TSPAN17: variants seen among roughly 807,000 people sequenced by gnomAD.
TSPAN17 encodes the protein tetraspanin 17.
Under a neutral mutation model 40.5 loss-of-function variants are expected in TSPAN17, and 33 were observed. The ratio of observed to expected loss-of-function variants is 0.81; its 90% confidence interval spans 0.62 to 1.09. The LOEUF is 1.09. Among genes scored for constraint, TSPAN17 ranks in the 50% least tolerant of loss-of-function variants. TSPAN17 has a pLI of 0.00. For synonymous variants in TSPAN17, 166 were observed against 169.4 expected, an observed-to-expected ratio of 0.98 and a Z score of 0.15; for missense variants, 365 against 416.8, an observed-to-expected ratio of 0.88 and a Z score of 1.08.
Position 176,647,653 on chromosome 5 carries a change from T to C in TSPAN17, c.38T>C (p.Val13Ala). The part of the protein sequence containing the change: ...GKHQHFQEPE[V>A]GCCGKYFLFG... ...CACCAGCATTTCCAGGAACCTGAGGTCGGCTGCTGCGGGAAATACTTCCTG... is the reference window on the plus strand; with the variant it reads ...CACCAGCATTTCCAGGAACCTGAGGCCGGCTGCTGCGGGAAATACTTCCTG... Residue 13 changes from valine to alanine, a missense_variant, in exon 1 of 9, where the codon GTC (valine) becomes GCC (alanine). Coordinates refer to ENST00000508164, the MANE Select transcript of TSPAN17 (RefSeq NM_130465.5). 1 of 1,601,096 alleles carries C rather than the reference T, an allele frequency of 6.2e-7. No homozygotes were observed. The highest frequency in any genetic ancestry group is 8.5e-7 in the Non-Finnish European group (1 of 1,174,462).
In TSPAN17 at chr5:176,650,781, G is replaced by A. The variant is rs560141705; in HGVS notation, c.88-835G>A. Among the ~76,000 whole-genome samples the A allele has an allele frequency of 1.3e-5, 2 of 152,178 alleles. No individual in the cohort carries two copies. The highest frequency in any genetic ancestry group is 2.9e-5 in the Non-Finnish European group (2 of 68,024). ...GGGAGGTCGCAGGAGGTGGGGTCAT[G>A]GCCCTGGGCTTGGGTACGACAGCCT... On this transcript the variant is annotated intron_variant, in intron 1 of 8. Transcript: ENST00000508164. This position sits in a 1 kb window ranked among gnomAD's most constrained non-coding sequence, Gnocchi z 4.0.
chr5:176,652,580 A>G (rs1281016347), intron 3 of TSPAN17, among the ~76,000 whole-genome samples, 163 bp from the exon 4 acceptor site: 1 of 152,102 alleles, frequency 6.6e-6, no homozygotes, highest in Non-Finnish European at 1.5e-5. Flanking sequence ...GATGCCTATT[A>G]CCATCATATA....
Position 176,650,528 on chromosome 5 carries a change from A to G in TSPAN17, c.88-1088A>G, listed in dbSNP as rs1349793607. Reference sequence around the variant, plus strand: ...TGGGGTTCAGGAAGGAGAAAGTGGCACTCAGTCCCCTGTCTGAAGGCCAAG... The same window carrying G: ...TGGGGTTCAGGAAGGAGAAAGTGGCGCTCAGTCCCCTGTCTGAAGGCCAAG... On this transcript the variant is annotated intron_variant, in intron 1 of 8. Transcript: ENST00000508164. This position sits in a 1 kb window ranked among gnomAD's most constrained non-coding sequence, Gnocchi z 4.0. Among the ~76,000 whole-genome samples, 1 of 152,032 alleles carries G rather than the reference A, an allele frequency of 6.6e-6. No homozygotes were observed. The highest frequency in any genetic ancestry group is 1.5e-5 in the Non-Finnish European group (1 of 67,998).
At chr5:176,652,257 G>C (rs543179916) in intron 3 of TSPAN17, among the ~76,000 whole-genome samples, 1 of 152,182 alleles carries the variant, frequency 6.6e-6, no homozygotes, top group African/African-American at 2.4e-5. Flanking sequence ...GAACAGAGCC[G>C]GCTTCCCCAT....
rs1451300489 is a variant in TSPAN17 at position 176,651,109 on chromosome 5, C to T, written c.88-507C>T. ...TGGTCGTGAGCCGTGGAAGCTGACT[C>T]TGGCAGGCGGAGGTTAAAGGGGTAG... On this transcript the variant is annotated intron_variant, in intron 1 of 8. Coordinates refer to ENST00000508164, the MANE Select transcript of TSPAN17 (RefSeq NM_130465.5). The surrounding 1 kb of genome is among the most constrained non-coding windows in gnomAD (Gnocchi z 4.5). Among the ~76,000 whole-genome samples the T allele has an allele frequency of 1.3e-5, 2 of 152,086 alleles. No homozygotes were observed. Among genetic ancestry groups the T allele is most frequent in the African/African-American group, 4.8e-5 (2 of 41,426 alleles).
Position 176,656,094 on chromosome 5 carries a change from C to G in TSPAN17, c.599C>G (p.Thr200Ser). 1 of 1,614,186 alleles carries G rather than the reference C, an allele frequency of 6.2e-7. No homozygotes were observed. Among genetic ancestry groups the G allele is most frequent in the Non-Finnish European group, 8.5e-7 (1 of 1,180,026 alleles). The change falls in exon 6 of 9, where the codon ACC becomes AGC. Residue 200 changes from threonine (T) to serine (S), a missense_variant. Thr to Ser is a moderately conservative substitution (Grantham distance 58). Coordinates refer to ENST00000508164, the MANE Select transcript of TSPAN17 (RefSeq NM_130465.5). ...TCCCCTCAGGAGGATGTCCTCAACA[C>G]CCAGTGTGGCTACGACGTCCGGCTC... ...VRDPAEDVLN[T>S]QCGYDVRLKL...
Position 176,652,834 on chromosome 5 carries a change from A to G in TSPAN17, c.377A>G (p.Asn126Ser). 3 of 1,614,178 alleles carry G rather than the reference A, an allele frequency of 1.9e-6. No individual in the cohort carries two copies. Among genetic ancestry groups the G allele is most frequent in the African/African-American group, 1.3e-5 (1 of 75,044 alleles). The change falls in exon 4 of 9, where the codon AAC becomes AGC. Residue 126 changes from asparagine (N) to serine (S), a missense_variant. Physicochemically the swap from Asn to Ser is conservative, Grantham distance 46. Transcript: ENST00000508164. Reference protein sequence around the residue: ...VFKDWIRDQLNLFINNNVKAY... With the variant: ...VFKDWIRDQLSLFINNNVKAY... ...AAGGACTGGATTCGAGACCAGCTCA[A>G]CCTCTTCATCAACAACAACGTCAAG... is the stretch of plus-strand genomic sequence containing the variant.
Position 176,651,785 on chromosome 5 carries a change from A to G in TSPAN17, c.170A>G (p.Asp57Gly), listed in dbSNP as rs779970651. 2.5e-6 allele frequency: 4 copies of G among 1,614,000 alleles called. No homozygotes were observed. The African/African-American group carries it at 5.3e-5, about 22-fold the overall frequency. Reference protein sequence around the residue: ...GVLSNISALTDLGGLDPVWLF... With the variant: ...GVLSNISALTGLGGLDPVWLF... ...CTCTCGAACATCTCAGCGCTGACAG[A>G]TCTGGGAGGCCTTGACCCCGTGTGG... Residue 57 changes from aspartate (D) to glycine (G), a missense_variant, in exon 3 of 9, where the codon GAT becomes GGT. Transcript: ENST00000508164. This position sits in a 1 kb window ranked among gnomAD's most constrained non-coding sequence, Gnocchi z 4.5.
intron 5 of TSPAN17, among the ~76,000 whole-genome samples, chr5:176,655,734 CAAA>C (rs11420495): frequency 7.9e-6 from 1 of 125,852 alleles, no homozygotes; most frequent in African/African-American, 3.1e-5. Context: ...CTCGTGTCTA[CAAA>C]AAAAAAAAAA....
chr5:176,656,610 C>A (rs1761163839), intron 6 of TSPAN17, 90 bp from the exon 7 acceptor site: 3 of 1,318,488 alleles, frequency 2.3e-6, no homozygotes, highest in Non-Finnish European at 3.3e-6. Flanking sequence ...CAGGTTTAGA[C>A]CCTGGGGTGG....
Position 176,651,384 on chromosome 5 carries a change from C to T in TSPAN17, c.88-232C>T, listed in dbSNP as rs1390157850. Among the ~76,000 whole-genome samples, 1 of 152,186 alleles carries T rather than the reference C, an allele frequency of 6.6e-6. No individual in the cohort carries two copies. The highest frequency in any genetic ancestry group is 1.9e-4 in the East Asian group (1 of 5,200). ...TCCAATTTGGAGTTCCAGGAAGGGG[C>T]CCCTGATGTCCATCCCAAGGCTAGC... On this transcript the variant is annotated intron_variant, in intron 1 of 8. Coordinates refer to ENST00000508164, the MANE Select transcript of TSPAN17 (RefSeq NM_130465.5). The surrounding 1 kb of genome is among the most constrained non-coding windows in gnomAD (Gnocchi z 4.5).
chr5:176,656,055 C>T (rs892137784), intron 5 of TSPAN17, 23 bp from the exon 6 acceptor site: 32 of 1,613,900 alleles, frequency 2.0e-5, no homozygotes, highest in Non-Finnish European at 2.5e-5. Flanking sequence ...CACCAAGTCA[C>T]TAACTGGCCT....
rs764563208 is a variant in TSPAN17, at chr5:176,651,863, T to C, written c.248T>C (p.Ile83Thr). ...VMSVLGFAGC[I>T]GALRENTFLL... Reference sequence around the variant, plus strand: ...TCGGTGCTGGGCTTTGCTGGCTGCATTGGGGCCCTCCGGGAGAACACCTTC... The same window carrying C: ...TCGGTGCTGGGCTTTGCTGGCTGCACTGGGGCCCTCCGGGAGAACACCTTC... The change falls in exon 3 of 9, where the codon ATT (isoleucine) becomes ACT (threonine). Residue 83 changes from isoleucine (I) to threonine (T), a missense_variant. Ile to Thr is a moderately conservative substitution (Grantham distance 89). Transcript: ENST00000508164. The surrounding 1 kb of genome is among the most constrained non-coding windows in gnomAD (Gnocchi z 4.5). The C allele has an allele frequency of 1.1e-5, 17 of 1,613,954 alleles. No homozygotes were observed. The highest frequency in any genetic ancestry group is 1.6e-4 in the Middle Eastern group (1 of 6,084).
Position 176,647,535 on chromosome 5 carries a change from C to G in TSPAN17, c.-81C>G, listed in dbSNP as rs1360965953. The G allele has an allele frequency of 8.7e-7, 1 of 1,154,488 alleles. No homozygotes were observed. The highest frequency in any genetic ancestry group is 1.1e-6 in the Non-Finnish European group (1 of 877,156). 71.5% of individuals were successfully genotyped at this position (1,154,488 alleles called of 1,614,324 possible). On this transcript the variant is annotated 5_prime_UTR_variant, in exon 1 of 9. Transcript: ENST00000508164. Reference sequence around the variant, plus strand: ...CGCAGCCGCCCGGCTAGGCCCCGGGCGGCTCTAGCCCAGGGCGGCCCGCGG... The same window carrying G: ...CGCAGCCGCCCGGCTAGGCCCCGGGGGGCTCTAGCCCAGGGCGGCCCGCGG...
chr5:176,651,572 TG>T lies in TSPAN17; in HGVS notation c.88-40del. Reference sequence around the variant, plus strand: ...GGGGAAGGATGAGGGGGGAGGGTCCTGGGGCTGCTCCCAGCCCTGAGCTCTT... The same window carrying T: ...GGGGAAGGATGAGGGGGGAGGGTCCTGGGCTGCTCCCAGCCCTGAGCTCTT... On this transcript the variant is annotated intron_variant, in intron 1 of 8. Coordinates refer to ENST00000508164, the MANE Select transcript of TSPAN17 (RefSeq NM_130465.5). This position sits in a 1 kb window ranked among gnomAD's most constrained non-coding sequence, Gnocchi z 4.5. The T allele has an allele frequency of 1.3e-6, 2 of 1,583,848 alleles. No individual in the cohort carries two copies. The highest frequency in any genetic ancestry group is 1.8e-5 in the Admixed American group (1 of 56,906).
At chr5:176,657,208 C>T (rs1024590180) in intron 8 of TSPAN17, 6 of 619,244 alleles carry the variant, frequency 9.7e-6, no homozygotes, top group African/African-American at 9.2e-5. Flanking sequence ...CAGGGAGCCA[C>T]CGTCTCGGCT....
rs1418914376 is a variant in TSPAN17, at chr5:176,651,527, C to T, written c.88-89C>T. ...GCCCTTGTGCCTCTTCCTCTCTCCG[C>T]TGGAAAGGCCCTGGCTACCGGGGAA... On this transcript the variant is annotated intron_variant, in intron 1 of 8. Coordinates refer to ENST00000508164, the MANE Select transcript of TSPAN17 (RefSeq NM_130465.5). The surrounding 1 kb of genome is among the most constrained non-coding windows in gnomAD (Gnocchi z 4.5). 7.0e-7 allele frequency: 1 copy of T among 1,425,870 alleles called. No homozygotes were observed. Among genetic ancestry groups the T allele is most frequent in the African/African-American group, 1.4e-5 (1 of 69,616 alleles). The allele number at this position is 1,425,870 out of a possible 1,614,324, so 88.3% of individuals were successfully genotyped here.
Position 176,654,586 on chromosome 5 carries a change from C to T in TSPAN17, c.457-309C>T. The T allele has an allele frequency of 3.0e-6, 1 of 334,652 alleles. No homozygotes were observed. 20.7% of individuals were successfully genotyped at this position (334,652 alleles called of 1,614,324 possible). On this transcript the variant is annotated intron_variant, in intron 4 of 8. Transcript: ENST00000508164. This position sits in a 1 kb window ranked among gnomAD's most constrained non-coding sequence, Gnocchi z 4.3. ...TGCTGCCACAGGGCTTGGCCCAGCGCCTGCCTCTCAGGTAGTCTGGAGGAA... is the reference window on the plus strand; with the variant it reads ...TGCTGCCACAGGGCTTGGCCCAGCGTCTGCCTCTCAGGTAGTCTGGAGGAA...
Position 176,650,336 on chromosome 5 carries a change from G to T in TSPAN17, c.88-1280G>T, listed in dbSNP as rs923308431. Among the ~76,000 whole-genome samples the T allele has an allele frequency of 2.6e-5, 4 of 152,158 alleles. No homozygotes were observed. The highest frequency in any genetic ancestry group is 5.9e-5 in the Non-Finnish European group (4 of 68,034). On this transcript the variant is annotated intron_variant, in intron 1 of 8. Coordinates refer to ENST00000508164, the MANE Select transcript of TSPAN17 (RefSeq NM_130465.5). The surrounding 1 kb of genome is among the most constrained non-coding windows in gnomAD (Gnocchi z 4.0). ...TCCCTCCAGGAACACAGCCCTCCAG[G>T]AACTCCTGCTGGAGGCTGAGAGCTC...
Sources: gnomAD v4.1 joint callset for allele counts (sites outside exome capture counted in the v4.1 genomes callset) on GRCh38, gnomAD v4.1.1 for gene constraint, Gnocchi (gnomAD v3.1) non-coding constraint, MANE v1.5 for transcripts, NCBI Gene and HGNC (gene_info 2026-07-23, HGNC 2026-07-21) for gene names.